The following TMEM178B variants were observed in gnomAD, a reference collection of about 807,000 sequenced individuals.
TMEM178B encodes transmembrane protein 178B.
In TMEM178B, 5 loss-of-function variants were observed where a neutral mutation model predicts 31.0. The observed-to-expected ratio is 0.16, with a 90% confidence interval of 0.08 to 0.34. The LOEUF is 0.34. Among genes scored for constraint, TMEM178B ranks in the 10% least tolerant of loss-of-function variants. The pLI, the probability that TMEM178B is intolerant of heterozygous loss-of-function variation, is 1.00. For synonymous variants in TMEM178B, 164 were observed against 164.0 expected, an observed-to-expected ratio of 1.00 and a Z score of 0.00; for missense variants, 275 against 400.3, an observed-to-expected ratio of 0.69 and a Z score of 2.67.
intron 2 of TMEM178B, among the ~76,000 whole-genome samples, chr7:141,308,194 C>T (rs1203477215): frequency 1.3e-5 from 2 of 152,170 alleles, no homozygotes; most frequent in African/African-American, 4.8e-5. Context: ...GGTTCTAAGA[C>T]CCAAACTCTT....
chr7:141,200,683 C>T (rs1442565716), intron 1 of TMEM178B, among the ~76,000 whole-genome samples: 5 of 152,090 alleles, frequency 3.3e-5, no homozygotes, highest in Admixed American at 6.5e-5. Flanking sequence ...TTTTTGGATA[C>T]GGTTCTTAGA....
At chr7:141,173,606 A>C (rs1189922960) in intron 1 of TMEM178B, among the ~76,000 whole-genome samples, 1 of 152,234 alleles carries the variant, frequency 6.6e-6, no homozygotes, top group Non-Finnish European at 1.5e-5. Context: ...GTCATTGAAT[A>C]ATAACTTATG....
At chr7:141,212,760 G>A in intron 2 of TMEM178B, 56 bp downstream of exon 2, 1 of 1,332,598 alleles carries the variant, frequency 7.5e-7, no homozygotes, top group Non-Finnish European at 1.0e-6. Context: ...CCCTTTGGAG[G>A]GATTGGAGGA....
In TMEM178B at chr7:141,213,331, G is replaced by A. The variant is rs182654974; in HGVS notation, c.496+627G>A. Among the ~76,000 whole-genome samples the A allele has an allele frequency of 2.9e-3, 437 of 152,302 alleles. 7 individuals carry two copies. The highest frequency in any genetic ancestry group is 0.022 in the Admixed American group (333 of 15,298). On this transcript the variant is annotated intron_variant, in intron 2 of 3. Transcript: ENST00000565468. ...GATCCTCAGAGACTTAAATGACAAC[G>A]AGAGGGTTAGTTCATGAGCAAACAG...
intron 3 of TMEM178B, among the ~76,000 whole-genome samples, chr7:141,467,151 A>G (rs541718949): frequency 1.3e-5 from 2 of 152,210 alleles, no homozygotes; most frequent in South Asian, 4.1e-4. Context: ...TGTAAAAACT[A>G]TAGATTCCCA....
intron 3 of TMEM178B, among the ~76,000 whole-genome samples, chr7:141,451,497 T>C (rs1410945592): frequency 6.6e-6 from 1 of 152,194 alleles, no homozygotes; most frequent in Non-Finnish European, 1.5e-5. Context: ...ATCTATTTGA[T>C]TCTGAAGCCA....
chr7:141,109,948 C>G (rs866746326), intron 1 of TMEM178B, among the ~76,000 whole-genome samples: 1 of 151,218 alleles, frequency 6.6e-6, no homozygotes, highest in Non-Finnish European at 1.5e-5. Flanking sequence ...CTCTGTCGCT[C>G]TCTCTCTCTC....
chr7:141,299,349 G>C (rs542600115), intron 2 of TMEM178B, among the ~76,000 whole-genome samples: 2 of 152,224 alleles, frequency 1.3e-5, no homozygotes, highest in East Asian at 3.9e-4. Context: ...GCTAATTTTT[G>C]TATTTTTATT....
intron 2 of TMEM178B, among the ~76,000 whole-genome samples, chr7:141,217,270 C>T (rs1797171942): frequency 1.3e-5 from 2 of 152,226 alleles, no homozygotes; most frequent in Admixed American, 6.5e-5. Context: ...CAGGCATTGC[C>T]CTTTCAGCAC....
At chr7:141,201,078 G>A (rs537773226) in intron 1 of TMEM178B, among the ~76,000 whole-genome samples, 4 of 152,264 alleles carry the variant, frequency 2.6e-5, no homozygotes, top group East Asian at 1.9e-4. Flanking sequence ...AAAAAAAACT[G>A]AAAAATGAGA....
intron 3 of TMEM178B, among the ~76,000 whole-genome samples, chr7:141,439,269 C>T (rs988916125): frequency 1.3e-5 from 2 of 152,138 alleles, no homozygotes; most frequent in Non-Finnish European, 2.9e-5. Context: ...CTAAAAAAAC[C>T]GTCTGCTGTT....
intron 2 of TMEM178B, among the ~76,000 whole-genome samples, chr7:141,226,332 CT>C (rs1185157789): frequency 6.6e-6 from 1 of 152,142 alleles, no homozygotes; most frequent in Non-Finnish European, 1.5e-5. Flanking sequence ...GCCGACTACC[CT>C]TCCAGAACCC....
At chr7:141,251,491 G>A (rs1331526097) in intron 2 of TMEM178B, among the ~76,000 whole-genome samples, 2 of 152,076 alleles carry the variant, frequency 1.3e-5, no homozygotes, top group Non-Finnish European at 2.9e-5. Flanking sequence ...TGCAGCTGGA[G>A]ATACTGCAAT....
At chr7:141,269,501 T>G (rs1798147256) in intron 2 of TMEM178B, among the ~76,000 whole-genome samples, 1 of 152,218 alleles carries the variant, frequency 6.6e-6, no homozygotes. Context: ...CCCCCACTAC[T>G]TTAGGGATGA....
At chr7:141,270,324 A>G (rs900675149) in intron 2 of TMEM178B, among the ~76,000 whole-genome samples, 1 of 152,028 alleles carries the variant, frequency 6.6e-6, no homozygotes, top group African/African-American at 2.4e-5. Context: ...TGAGCAGTCT[A>G]CATCTCTAGG....
intron 2 of TMEM178B, among the ~76,000 whole-genome samples, chr7:141,258,088 A>T (rs1429933248): frequency 1.3e-5 from 2 of 151,512 alleles, no homozygotes; most frequent in African/African-American, 4.8e-5. Context: ...TACTAATTTA[A>T]TTCTGGCAAA....
intron 2 of TMEM178B, among the ~76,000 whole-genome samples, chr7:141,299,322 A>C (rs1798686070): frequency 6.6e-6 from 1 of 152,136 alleles, no homozygotes; most frequent in Non-Finnish European, 1.5e-5. Context: ...GATTATAGGC[A>C]TGCGCCACCA....
intron 2 of TMEM178B, among the ~76,000 whole-genome samples, chr7:141,373,112 T>C (rs34856605): frequency 6.6e-6 from 1 of 152,296 alleles, no homozygotes; most frequent in East Asian, 1.9e-4. Context: ...TAATTGGGCC[T>C]TCCCCTCAGG....
chr7:141,351,764 C>A (rs2116530753), intron 2 of TMEM178B, among the ~76,000 whole-genome samples: 1 of 152,232 alleles, frequency 6.6e-6, no homozygotes, highest in East Asian at 1.9e-4. Flanking sequence ...AATTTTATGA[C>A]CCTTTTTAGC....
Sources: gnomAD v4.1 joint callset for allele counts (sites outside exome capture counted in the v4.1 genomes callset) on GRCh38, gnomAD v4.1.1 for gene constraint, MANE v1.5 for transcripts, NCBI Gene and HGNC (gene_info 2026-07-23, HGNC 2026-07-21) for gene names.